PDE1C: variants seen among roughly 807,000 people sequenced by gnomAD.
PDE1C encodes the protein dual specificity calcium/calmodulin-dependent 3',5'-cyclic nucleotide phosphodiesterase 1C.
Under a neutral mutation model 93.1 loss-of-function variants are expected in PDE1C, and 62 were observed. The observed-to-expected ratio is 0.67, with a 90% confidence interval of 0.54 to 0.82. PDE1C has a LOEUF of 0.82. Among genes scored for constraint, PDE1C ranks in the 40% least tolerant of loss-of-function variants. The pLI, the probability that PDE1C is intolerant of heterozygous loss-of-function variation, is 0.00. For synonymous variants in PDE1C, 325 were observed against 310.1 expected, an observed-to-expected ratio of 1.05 and a Z score of -0.50; for missense variants, 742 against 884.6, an observed-to-expected ratio of 0.84 and a Z score of 2.04.
chr7:32,391,634 G>A (rs7456261), intron 1 of PDE1C, among the ~76,000 whole-genome samples: 35,770 of 152,016 alleles, frequency 0.24, 5,240 homozygotes, highest in Admixed American at 0.39. Flanking sequence ...TTGAAAGTAT[G>A]CAAAGTATGC....
intron 11 of PDE1C, among the ~76,000 whole-genome samples, chr7:31,835,981 G>A (rs556976055): frequency 3.9e-5 from 6 of 152,300 alleles, no homozygotes; most frequent in South Asian, 2.1e-4. Context: ...GTCAGTTTGC[G>A]GGACGAAGTT....
the PDE1C span, among the ~76,000 whole-genome samples, chr7:31,680,129 G>A: frequency 7.9e-5 from 12 of 152,244 alleles, no homozygotes; most frequent in East Asian, 5.8e-4. Context: ...CAGAGAAGCC[G>A]TGACCAAATT....
chr7:31,728,255 C>T, the PDE1C span, among the ~76,000 whole-genome samples: 40 of 152,226 alleles, frequency 2.6e-4, no homozygotes, highest in Non-Finnish European at 4.7e-4. Context: ...AGGTACTAAT[C>T]CTAGAACCTG....
rs1241184311 is a variant in PDE1C at position 32,098,698 on chromosome 7, C to G, written c.308+71087G>C. Among the ~76,000 whole-genome samples the G allele has an allele frequency of 3.3e-5, 5 of 152,128 alleles. No individual in the cohort carries two copies. In the East Asian group the frequency reaches 9.6e-4, roughly 29 times the overall value. On this transcript the variant is annotated intron_variant, in intron 3 of 18. Transcript: ENST00000396193. ...TTTGTTGGAGTTTCTGTTTATGCAC[C>G]CTGTGGACTTTCTAGGGTACATCCA... is the stretch of plus-strand genomic sequence containing the variant.
chr7:31,644,299 T>A, the PDE1C span, among the ~76,000 whole-genome samples: 1 of 152,178 alleles, frequency 6.6e-6, no homozygotes, highest in Admixed American at 6.5e-5. Context: ...AGAAGTTCTG[T>A]GTCTTAAATT....
At chr7:32,135,360 G>A (rs964470127) in intron 3 of PDE1C, among the ~76,000 whole-genome samples, 5 of 151,950 alleles carry the variant, frequency 3.3e-5, no homozygotes, top group Admixed American at 2.0e-4. Flanking sequence ...AAATAGTTGC[G>A]AACCATATAT....
chr7:32,304,557 T>A (rs1030797978), intron 1 of PDE1C, among the ~76,000 whole-genome samples: 3 of 152,012 alleles, frequency 2.0e-5, no homozygotes, highest in African/African-American at 7.2e-5. Context: ...ACTTTTAAAA[T>A]TAATAAAATG....
At chr7:31,804,215 G>T (rs1163518521) in intron 16 of PDE1C, among the ~76,000 whole-genome samples, 1 of 151,850 alleles carries the variant, frequency 6.6e-6, no homozygotes, top group Non-Finnish European at 1.5e-5. Flanking sequence ...TTTTAAGATT[G>T]TTAGATAGAA....
the PDE1C span, among the ~76,000 whole-genome samples, chr7:31,718,295 T>TGG: frequency 6.6e-6 from 1 of 151,404 alleles, no homozygotes; most frequent in South Asian, 2.1e-4. Context: ...GCTTGGAAAA[T>TGG]GGGCCCACCA....
intron 3 of PDE1C, among the ~76,000 whole-genome samples, chr7:32,082,145 G>C (rs1262503844): frequency 6.6e-6 from 1 of 152,252 alleles, no homozygotes; most frequent in Non-Finnish European, 1.5e-5. Context: ...TGGAAAATCG[G>C]GTCACTCCCA....
At chr7:31,968,593 G>C (rs1185047267) in intron 2 of PDE1C, among the ~76,000 whole-genome samples, 2 of 152,064 alleles carry the variant, frequency 1.3e-5, no homozygotes, top group African/African-American at 4.8e-5. Context: ...TTTCTTCACA[G>C]AATTGGAAAA....
At chr7:32,138,420 C>A (rs769199114) in intron 3 of PDE1C, among the ~76,000 whole-genome samples, 8 of 152,094 alleles carry the variant, frequency 5.3e-5, no homozygotes, top group Admixed American at 6.6e-5. Flanking sequence ...ATCCTCAGAA[C>A]TCCTTATGCA....
chr7:31,622,197 G>A, the PDE1C span, among the ~76,000 whole-genome samples: 1,539 of 135,120 alleles, frequency 0.011, 12 homozygotes, highest in South Asian at 0.02. Flanking sequence ...ACAGATCAAC[G>A]AGAGAGAAAG....
chr7:32,412,755 T>C (rs943017313), intron 1 of PDE1C, among the ~76,000 whole-genome samples: 1 of 152,216 alleles, frequency 6.6e-6, no homozygotes, highest in African/African-American at 2.4e-5. Flanking sequence ...GAAATATTGC[T>C]CAGCAATTTA....
rs970794048 is a variant in PDE1C, at chr7:32,171,536, T to A, written c.137-1580A>T. Among the ~76,000 whole-genome samples the A allele has an allele frequency of 1.1e-4, 16 of 149,364 alleles. 1 individual carries two copies. Among genetic ancestry groups the A allele is most frequent in the African/African-American group, 3.9e-4 (16 of 41,106 alleles). ...AATTAAATTATTAAAATTAATATTT[T>A]AATAAAATTTTATTATTTTAACAAA... On this transcript the variant is annotated intron_variant, in intron 2 of 18. Coordinates refer to the PDE1C transcript ENST00000396193.
intron 2 of PDE1C, among the ~76,000 whole-genome samples, chr7:31,919,900 T>G (rs1563032769): frequency 6.6e-6 from 1 of 152,164 alleles, no homozygotes; most frequent in Non-Finnish European, 1.5e-5. Flanking sequence ...GGTTGCGTTT[T>G]CTGGCTCCTC....
intron 1 of PDE1C, among the ~76,000 whole-genome samples, chr7:32,054,548 C>T (rs1584622552): frequency 6.6e-6 from 1 of 152,182 alleles, no homozygotes; most frequent in South Asian, 2.1e-4. Flanking sequence ...TGCACGTTAA[C>T]TGGCACATGG....
intron 3 of PDE1C, among the ~76,000 whole-genome samples, chr7:32,162,774 C>T (rs373463473): frequency 6.6e-6 from 1 of 152,026 alleles, no homozygotes; most frequent in Non-Finnish European, 1.5e-5. Context: ...GGAGGCCATG[C>T]GTCAAGTTCA....
intron 7 of PDE1C, among the ~76,000 whole-genome samples, chr7:31,857,457 G>C (rs1261627064): frequency 6.6e-6 from 1 of 152,074 alleles, no homozygotes; most frequent in Non-Finnish European, 1.5e-5. Context: ...AGATTTATTT[G>C]GTTTCCAACT....
Sources: gnomAD v4.1 joint callset for allele counts (sites outside exome capture counted in the v4.1 genomes callset) on GRCh38, gnomAD v4.1.1 for gene constraint, MANE v1.5 for transcripts, NCBI Gene and HGNC (gene_info 2026-07-23, HGNC 2026-07-21) for gene names.